BCAS3: variants seen among roughly 807,000 people sequenced by gnomAD.
BCAS3 encodes the protein BCAS3 microtubule associated cell migration factor.
In BCAS3, 53 loss-of-function variants were observed where a neutral mutation model predicts 116.1. That is an observed-to-expected ratio of 0.46 (90% CI 0.37 to 0.57). The LOEUF is 0.57. Among genes scored for constraint, BCAS3 ranks in the 20% least tolerant of loss-of-function variants. The pLI is 0.00. For synonymous variants in BCAS3, 391 were observed against 408.2 expected (o/e 0.96, Z 0.51); for missense variants, 917 against 1,165.4 (o/e 0.79, Z 3.10).
At chr17:61,137,791 T>A (rs1413360089) in intron 22 of BCAS3, among the ~76,000 whole-genome samples, 2 of 152,144 alleles carry the variant, frequency 1.3e-5, no homozygotes, top group Non-Finnish European at 2.9e-5. Flanking sequence ...AACAAAATGC[T>A]AAAAACTGAA....
intron 22 of BCAS3, among the ~76,000 whole-genome samples, chr17:61,142,002 T>C (rs892935426): frequency 3.3e-5 from 5 of 152,116 alleles, no homozygotes; most frequent in Non-Finnish European, 7.3e-5. Flanking sequence ...GTAGTTTTAC[T>C]CTTATTTCCA....
chr17:61,280,818 G>T (rs936859037), intron 22 of BCAS3, among the ~76,000 whole-genome samples: 1 of 152,166 alleles, frequency 6.6e-6, no homozygotes, highest in African/African-American at 2.4e-5. Context: ...ACACATGCCT[G>T]ATCATTTGGG....
chr17:60,951,286 T>C (rs972792699), intron 14 of BCAS3, among the ~76,000 whole-genome samples: 4 of 152,226 alleles, frequency 2.6e-5, no homozygotes, highest in African/African-American at 9.6e-5. Context: ...TATGCAACTG[T>C]AGTAGTGATA....
At position 61,324,822 on chromosome 17, in the gene BCAS3, GAAAA is replaced by G. The variant is rs552000873; in HGVS notation, c.2426-43493_2426-43490del. 8.0e-6 allele frequency among the ~76,000 whole-genome samples: 1 copy of G among 124,768 alleles called. No homozygotes were observed. Among genetic ancestry groups the G allele is most frequent in the Non-Finnish European group, 1.7e-5 (1 of 57,414 alleles). The allele number at this position is 124,768 out of a possible 152,430, so 81.9% of individuals were successfully genotyped here. On this transcript the variant is annotated intron_variant, in intron 22 of 23. Coordinates refer to ENST00000407086, the MANE Select transcript of BCAS3 (RefSeq NM_017679.5). This position sits in a 1 kb window ranked among gnomAD's most constrained non-coding sequence, Gnocchi z 4.6. ...CAACCTAGTGAGACCTCATCTCTAT[GAAAA>G]AAAAAAAAAAAGAAGAAACAAAAAA... is the stretch of plus-strand genomic sequence containing the variant.
intron 7 of BCAS3, among the ~76,000 whole-genome samples, chr17:60,849,867 C>A (rs2052912952): frequency 6.6e-6 from 1 of 152,108 alleles, no homozygotes; most frequent in Non-Finnish European, 1.5e-5. Flanking sequence ...CTGAAGTGAT[C>A]CTTCTGCCTC....
intron 22 of BCAS3, among the ~76,000 whole-genome samples, chr17:61,237,629 G>A (rs1384943428): frequency 6.6e-6 from 1 of 152,168 alleles, no homozygotes; most frequent in Non-Finnish European, 1.5e-5. Flanking sequence ...TGAATCCACT[G>A]GCAGGAACCA....
intron 14 of BCAS3, among the ~76,000 whole-genome samples, chr17:60,973,843 CG>C (rs2062128804): frequency 1.3e-5 from 2 of 151,928 alleles, no homozygotes; most frequent in African/African-American, 4.8e-5. Context: ...CCACCTGCCT[CG>C]GCCTCCCATA....
intron 6 of BCAS3, among the ~76,000 whole-genome samples, chr17:60,790,247 T>G (rs2046645915): frequency 6.6e-6 from 1 of 152,210 alleles, no homozygotes; most frequent in Admixed American, 6.6e-5. Context: ...CAATTCAGGT[T>G]TGAGAAAAAC....
At position 61,078,366 on chromosome 17, in the gene BCAS3, C is replaced by T. The variant is rs369101238; in HGVS notation, c.2164C>T (p.Arg722Cys). The T allele has an allele frequency of 2.2e-5, 35 of 1,613,956 alleles. No homozygotes were observed. The highest frequency in any genetic ancestry group is 2.0e-4 in the Admixed American group (12 of 60,000). ...EIVTHTGPHR[R>C]LWMGPQFQFK... ...TGTAACACACACTGGACCCCATAGACGTCTGTGGATGGGTCCACAGTTCCA... is the reference window on the plus strand; with the variant it reads ...TGTAACACACACTGGACCCCATAGATGTCTGTGGATGGGTCCACAGTTCCA... The change falls in exon 21 of 24, where the codon CGT becomes TGT. Residue 722 changes from arginine to cysteine, a missense_variant. By Grantham distance (180) the Arg-to-Cys change is radical. Coordinates refer to ENST00000407086, the MANE Select transcript of BCAS3 (RefSeq NM_017679.5).
intron 22 of BCAS3, among the ~76,000 whole-genome samples, chr17:61,103,330 C>T (rs1297254404): frequency 2.6e-5 from 4 of 152,048 alleles, no homozygotes; most frequent in African/African-American, 7.2e-5. Context: ...CTCTGAGAAT[C>T]GTTTAAGGGA....
chr17:61,179,842 G>A (rs1173042116), intron 22 of BCAS3, among the ~76,000 whole-genome samples: 3 of 150,372 alleles, frequency 2.0e-5, no homozygotes, highest in Non-Finnish European at 4.4e-5. Flanking sequence ...GAAAACTACT[G>A]GTAAAATATC....
intron 19 of BCAS3, among the ~76,000 whole-genome samples, chr17:61,049,131 C>T (rs2068607932): frequency 6.6e-6 from 1 of 151,544 alleles, no homozygotes; most frequent in Admixed American, 6.6e-5. Context: ...GACCCTGACT[C>T]TAAAGAAAAC....
At chr17:60,788,952 G>T (rs150854256) in intron 6 of BCAS3, among the ~76,000 whole-genome samples, 1 of 152,068 alleles carries the variant, frequency 6.6e-6, no homozygotes, top group Admixed American at 6.5e-5. Context: ...AGCTCACATT[G>T]AGTGAATATA....
intron 22 of BCAS3, among the ~76,000 whole-genome samples, chr17:61,283,090 C>A (rs976170450): frequency 1.3e-5 from 2 of 151,358 alleles, no homozygotes; most frequent in African/African-American, 4.9e-5. Context: ...GTTTTTTTTG[C>A]TCCACGTTGC....
At chr17:61,270,820 G>A (rs1368920081) in intron 22 of BCAS3, among the ~76,000 whole-genome samples, 1 of 151,964 alleles carries the variant, frequency 6.6e-6, no homozygotes, top group East Asian at 1.9e-4. Context: ...TCGGCTCACC[G>A]CAACCTCTGC....
At chr17:60,742,634 TGTTG>T in intron 5 of BCAS3, among the ~76,000 whole-genome samples, 1 of 151,644 alleles carries the variant, frequency 6.6e-6, no homozygotes, top group Non-Finnish European at 1.5e-5. Context: ...CTTTTCACCA[TGTTG>T]GCCAGGCTGG....
At chr17:60,742,576 G>T (rs2041666117) in intron 5 of BCAS3, among the ~76,000 whole-genome samples, 1 of 151,606 alleles carries the variant, frequency 6.6e-6, no homozygotes, top group African/African-American at 2.4e-5. Context: ...GGGACTACAG[G>T]TGTGTGCCAC....
At chr17:60,910,162 T>G (rs939915429) in intron 11 of BCAS3, among the ~76,000 whole-genome samples, 1 of 152,214 alleles carries the variant, frequency 6.6e-6, no homozygotes, top group Non-Finnish European at 1.5e-5. Flanking sequence ...TTTCATAGTT[T>G]CTACTTCTTC....
At chr17:61,289,311 C>T (rs1258129637) in intron 22 of BCAS3, among the ~76,000 whole-genome samples, 2 of 152,202 alleles carry the variant, frequency 1.3e-5, no homozygotes, top group East Asian at 3.9e-4. Flanking sequence ...CATTTCCAGA[C>T]ATCTTCACAT....
Sources: allele counts gnomAD v4.1 joint callset (sites outside exome capture counted in the v4.1 genomes callset), GRCh38; gene constraint gnomAD v4.1.1; non-coding constraint Gnocchi (gnomAD v3.1); transcripts MANE v1.5; gene names NCBI Gene and HGNC (gene_info 2026-07-23, HGNC 2026-07-21).